The following OCM variants were observed in gnomAD, a reference collection of about 807,000 sequenced individuals.
The protein encoded by OCM is oncomodulin, also known as oncomodulin-1.
In OCM, 18 loss-of-function variants were observed where a neutral mutation model predicts 14.1. The observed-to-expected ratio is 1.28, with a 90% CI of 0.88 to 1.89. The LOEUF is 1.89. Ranked by LOEUF, OCM falls within the 40% of genes most tolerant of loss-of-function variation. The pLI, the probability that OCM is intolerant of heterozygous loss-of-function variation, is 0.00. For synonymous variants in OCM, 48 were observed against 51.0 expected (o/e 0.94, Z 0.25); for missense variants, 140 against 137.6 (o/e 1.02, Z -0.09).
At chr7:5,869,594 AAAAAG>A in the OCM span, among the ~76,000 whole-genome samples, 3 of 152,068 alleles carry the variant, frequency 2.0e-5, no homozygotes, top group African/African-American at 7.2e-5. Flanking sequence ...ATTCCATCTA[AAAAAG>A]AAAATTTAAA....
At chr7:5,872,682 G>T in the OCM span, among the ~76,000 whole-genome samples, 75 of 152,044 alleles carry the variant, frequency 4.9e-4, no homozygotes, top group African/African-American at 1.7e-3. Context: ...GGCAGCATGC[G>T]CGTTAAGAGT....
rs538192646 is a variant in OCM at position 5,885,035 on chromosome 7, G to A, written c.305-1029G>A. Among the ~76,000 whole-genome samples, 168 of 151,802 alleles carry A rather than the reference G, an allele frequency of 1.1e-3. 2 individuals are homozygous for A. In the South Asian group the frequency reaches 0.013, roughly 12 times the overall value. ...CTCGGGAAGCTGAGGCAGGAGAATC[G>A]CTTGAACCTGGGAGGCAGAGGTTGC... On this transcript the variant is annotated intron_variant, in intron 3 of 3. Coordinates refer to ENST00000242104, the MANE Select transcript of OCM (RefSeq NM_001097622.2).
At chr7:5,873,358 C>T in the OCM span, among the ~76,000 whole-genome samples, 4 of 151,982 alleles carry the variant, frequency 2.6e-5, no homozygotes, top group African/African-American at 9.7e-5. Context: ...GACTGGGCAA[C>T]AAGAGCAAAA....
chr7:5,870,964 G>A, the OCM span, among the ~76,000 whole-genome samples: 1 of 151,388 alleles, frequency 6.6e-6, no homozygotes, highest in Non-Finnish European at 1.5e-5. Context: ...TCAGCTCACC[G>A]CAACCTCCAC....
At chr7:5,869,938 A>G in the OCM span, among the ~76,000 whole-genome samples, 1 of 152,128 alleles carries the variant, frequency 6.6e-6, no homozygotes, top group African/African-American at 2.4e-5. Context: ...TGCAAGTGAA[A>G]CTGACAAGCG....
At chr7:5,879,630 A>G (rs1781166945), upstream of OCM, among the ~76,000 whole-genome samples, 1 of 150,684 alleles carries the variant, frequency 6.6e-6, no homozygotes, top group South Asian at 2.1e-4. Context: ...AACCTTCTCC[A>G]CACTTTGCCA....
chr7:5,880,962 G>A lies in OCM; in HGVS notation c.61+12G>A, dbSNP rs571686469. 3.7e-5 allele frequency: 59 copies of A among 1,610,778 alleles called. No homozygotes were observed. The East Asian group carries it at 7.1e-4, about 19-fold the overall frequency. The stretch of plus-strand genomic sequence containing the variant: ...CCAGGAATGCCGAGGTAGAGGGGAC[G>A]TGAGGCGGGGGTGGGATTTCCTCAC... On this transcript the variant is annotated intron_variant, in intron 1 of 3. Coordinates refer to ENST00000242104, the MANE Select transcript of OCM (RefSeq NM_001097622.2).
the OCM span, among the ~76,000 whole-genome samples, chr7:5,860,486 CG>C: frequency 1.3e-5 from 1 of 79,588 alleles, no homozygotes; most frequent in Non-Finnish European, 2.3e-5. Flanking sequence ...TGTATATATA[CG>C]TGTATATATA....
chr7:5,879,787 A>G (rs13308563), upstream of OCM: 1 of 151,258 alleles, frequency 6.6e-6, no homozygotes. Flanking sequence ...TTCATGAGTA[A>G]GACAAGACAT....
chr7:5,859,801 G>A, the OCM span, among the ~76,000 whole-genome samples: 3 of 151,978 alleles, frequency 2.0e-5, no homozygotes, highest in East Asian at 1.9e-4. Context: ...GGGTTCAAGC[G>A]ATTCTCCTGC....
chr7:5,863,990 CAT>C, the OCM span, among the ~76,000 whole-genome samples: 15 of 151,740 alleles, frequency 9.9e-5, no homozygotes, highest in African/African-American at 3.6e-4. Flanking sequence ...AGGATGAAGA[CAT>C]GTTGGGGTTT....
chr7:5,866,447 A>AGAAG, the OCM span, among the ~76,000 whole-genome samples: 1 of 113,172 alleles, frequency 8.8e-6, no homozygotes, highest in Admixed American at 1.1e-4. Context: ...CAAGGAGGGA[A>AGAAG]GAAGGAAGGG....
At chr7:5,874,782 A>G in the OCM span, among the ~76,000 whole-genome samples, 2 of 152,088 alleles carry the variant, frequency 1.3e-5, no homozygotes, top group Non-Finnish European at 2.9e-5. Context: ...CTGGGATTGC[A>G]GACGTGCACC....
chr7:5,880,731 C>G (rs1781193467), upstream of OCM: 3 of 639,832 alleles, frequency 4.7e-6, no homozygotes, highest in African/African-American at 3.7e-5. Flanking sequence ...TGCACTCCAG[C>G]CTGGGTGACA....
chr7:5,872,484 C>A, the OCM span, among the ~76,000 whole-genome samples: 1 of 152,110 alleles, frequency 6.6e-6, no homozygotes, highest in Non-Finnish European at 1.5e-5. Context: ...ACTCTGGATC[C>A]CACCCCATCC....
intron 2 of OCM, among the ~76,000 whole-genome samples, chr7:5,882,840 CTTTTTTTTT>C: frequency 8.4e-6 from 1 of 119,492 alleles, no homozygotes; most frequent in Middle Eastern, 4.2e-3. Flanking sequence ...TGCAAAGATT[CTTTTTTTTT>C]TTTTTTTTTT....
the OCM span, among the ~76,000 whole-genome samples, chr7:5,859,911 C>G: frequency 4.6e-5 from 7 of 152,058 alleles, no homozygotes; most frequent in Non-Finnish European, 8.8e-5. Context: ...TGGTCTTGAA[C>G]TCCTGATCTT....
At chr7:5,872,666 C>G in the OCM span, among the ~76,000 whole-genome samples, 4 of 152,062 alleles carry the variant, frequency 2.6e-5, no homozygotes, top group African/African-American at 9.6e-5. Flanking sequence ...TACACAGATG[C>G]TAGAAGGCAG....
chr7:5,877,421 T>A (rs1008939679), upstream of OCM, among the ~76,000 whole-genome samples: 1 of 149,968 alleles, frequency 6.7e-6, no homozygotes, highest in African/African-American at 2.5e-5. Context: ...TGAGCCGAGA[T>A]CACACTACCA....
Sources: allele counts gnomAD v4.1 joint callset (sites outside exome capture counted in the v4.1 genomes callset), GRCh38; gene constraint gnomAD v4.1.1; transcripts MANE v1.5; gene names NCBI Gene and HGNC (gene_info 2026-07-23, HGNC 2026-07-21).